Variants in COL14A1 observed in about 807,000 individuals in gnomAD.
COL14A1 encodes collagen type XIV alpha 1 chain.
A neutral mutation model predicts 230.3 loss-of-function variants in COL14A1; 136 were observed. That is an observed-to-expected ratio of 0.59 (90% confidence interval 0.51 to 0.68). COL14A1 has a LOEUF of 0.68. Among genes scored for constraint, COL14A1 ranks in the 30% least tolerant of loss-of-function variants. The pLI is 0.00. For missense variants in COL14A1, 1,976 were observed against 2,215.8 expected (o/e 0.89, Z 2.17); for synonymous variants, 792 against 784.1 (o/e 1.01, Z -0.17).
chr8:120,147,134 C>CCTT (rs1382785770), intron 1 of COL14A1, among the ~76,000 whole-genome samples: 3 of 151,224 alleles, frequency 2.0e-5, no homozygotes, highest in African/African-American at 7.3e-5. Flanking sequence ...TATACCCTTT[C>CCTT]TTTTTTCTTC....
chr8:120,207,189 TCCG>T (rs1817463777), intron 10 of COL14A1, 95 bp downstream of exon 10: 1 of 1,083,682 alleles, frequency 9.2e-7, no homozygotes, highest in African/African-American at 1.6e-5. Flanking sequence ...ATAAGATTAT[TCCG>T]TCACAGACAT....
chr8:120,130,182 AT>A (rs1814481555), intron 1 of COL14A1, among the ~76,000 whole-genome samples: 1 of 152,184 alleles, frequency 6.6e-6, no homozygotes, highest in South Asian at 2.1e-4. Flanking sequence ...TTCAACGGAG[AT>A]TATCATTATT....
intron 7 of COL14A1, 107 bp downstream of exon 7, chr8:120,198,037 AG>A: frequency 9.0e-7 from 1 of 1,116,622 alleles, no homozygotes; most frequent in East Asian, 2.6e-5. Flanking sequence ...TAATTAAACT[AG>A]CACTTAGGAT....
intron 42 of COL14A1, among the ~76,000 whole-genome samples, chr8:120,339,497 G>C (rs762798785): frequency 2.6e-5 from 4 of 152,102 alleles, no homozygotes; most frequent in Non-Finnish European, 5.9e-5. Flanking sequence ...CCCTGCTTCT[G>C]AATAACGACC....
intron 37 of COL14A1, among the ~76,000 whole-genome samples, chr8:120,310,941 A>G (rs1821014430): frequency 6.6e-6 from 1 of 152,086 alleles, no homozygotes; most frequent in Non-Finnish European, 1.5e-5. Flanking sequence ...CTCTCCATCC[A>G]TCTTGCTTGA....
At chr8:120,264,772 T>C (rs1819454806) in intron 24 of COL14A1, among the ~76,000 whole-genome samples, 1 of 152,184 alleles carries the variant, frequency 6.6e-6, no homozygotes, top group Non-Finnish European at 1.5e-5. Context: ...GCTGTCTGTT[T>C]AGACAGTGCA....
intron 5 of COL14A1, among the ~76,000 whole-genome samples, chr8:120,185,435 G>A (rs1230355223): frequency 2.0e-5 from 3 of 152,050 alleles, no homozygotes; most frequent in Admixed American, 6.6e-5. Flanking sequence ...TTGCAGGATC[G>A]CTTGAGCCCA....
At chr8:120,270,211 T>C (rs1349501444) in intron 26 of COL14A1, 37 bp downstream of exon 26, 1 of 1,576,606 alleles carries the variant, frequency 6.3e-7, no homozygotes, top group Admixed American at 1.7e-5. Flanking sequence ...TCTATGTATT[T>C]AGAAATTATT....
At chr8:120,140,035 A>C (rs185697419) in intron 1 of COL14A1, among the ~76,000 whole-genome samples, 1 of 152,168 alleles carries the variant, frequency 6.6e-6, no homozygotes, top group African/African-American at 2.4e-5. Flanking sequence ...AAAAAACCCA[A>C]ATCAAAATAA....
chr8:120,285,921 C>A lies in COL14A1; in HGVS notation c.4028C>A (p.Thr1343Asn). 1.2e-6 allele frequency: 2 copies of A among 1,611,758 alleles called. No homozygotes were observed. Among genetic ancestry groups the A allele is most frequent in the Non-Finnish European group, 1.7e-6 (2 of 1,178,116 alleles). The change falls in exon 33 of 48, where the codon ACT becomes AAT. Residue 1343 changes from threonine (T) to asparagine (N), a missense_variant. Thr to Asn is a moderately conservative substitution (Grantham distance 65). Transcript: ENST00000297848. ...CAGAGTGGGGATTTTCAAACTGTTA[C>A]TTTCGAAGGACCTGAAATTAGGAAA... Reference protein sequence around the residue: ...YDQSGDFQTVTFEGPEIRKIF... With the variant: ...YDQSGDFQTVNFEGPEIRKIF...
intron 19 of COL14A1, among the ~76,000 whole-genome samples, chr8:120,240,248 C>A (rs780248734): frequency 1.3e-5 from 2 of 151,688 alleles, no homozygotes; most frequent in Non-Finnish European, 2.9e-5. Flanking sequence ...CTTTAAGTAT[C>A]AAGCTCCTTT....
At chr8:120,156,112 T>A (rs1815469077) in intron 2 of COL14A1, among the ~76,000 whole-genome samples, 1 of 152,096 alleles carries the variant, frequency 6.6e-6, no homozygotes, top group Non-Finnish European at 1.5e-5. Flanking sequence ...TCTGATTTCA[T>A]ACTGATTTCA....
chr8:120,261,768 A>G (rs1182215809), intron 23 of COL14A1, among the ~76,000 whole-genome samples: 3 of 152,216 alleles, frequency 2.0e-5, no homozygotes, highest in African/African-American at 7.2e-5. Context: ...ATATGGCCCT[A>G]TGCTATGTAA....
intron 3 of COL14A1, among the ~76,000 whole-genome samples, chr8:120,160,567 G>A (rs1174554030): frequency 6.6e-6 from 1 of 151,982 alleles, no homozygotes; most frequent in African/African-American, 2.4e-5. Flanking sequence ...ATAAAAATTG[G>A]GAATGAAAGC....
chr8:120,145,227 G>A (rs1346010863), intron 1 of COL14A1, among the ~76,000 whole-genome samples: 1 of 152,168 alleles, frequency 6.6e-6, no homozygotes, highest in East Asian at 1.9e-4. Context: ...GATGGTGGAA[G>A]TGTTGTGACC....
At chr8:120,258,399 C>T (rs926141854) in intron 23 of COL14A1, among the ~76,000 whole-genome samples, 1 of 152,110 alleles carries the variant, frequency 6.6e-6, no homozygotes, top group African/African-American at 2.4e-5. Context: ...GGTCACATGC[C>T]TCTAAATCTG....
chr8:120,371,229 T>C lies in COL14A1; in HGVS notation c.5389T>C (p.Ter1797ArgextTer1). ...EAMELWGPGV[*>R] ...CATGGAACTGTGGGGCCCTGGAGTC[T>C]GATAGCCTCAGGAGAAATTTGAAGA... Residue 1797 changes from the stop codon to arginine (R), a stop_lost, in exon 48 of 48, where the codon TGA becomes CGA. Transcript: ENST00000297848. 4.4e-6 allele frequency: 7 copies of C among 1,608,904 alleles called. No homozygotes were observed. The highest frequency in any genetic ancestry group is 5.9e-6 in the Non-Finnish European group (7 of 1,177,520).
At chr8:120,308,378 G>T (rs928966364) in intron 36 of COL14A1, among the ~76,000 whole-genome samples, 1 of 152,304 alleles carries the variant, frequency 6.6e-6, no homozygotes, top group Middle Eastern at 3.4e-3. Flanking sequence ...CATATCCAAG[G>T]TTCAGACAAC....
chr8:120,355,649 C>T (rs1019921483), intron 45 of COL14A1, among the ~76,000 whole-genome samples: 1 of 152,004 alleles, frequency 6.6e-6, no homozygotes, highest in Admixed American at 6.6e-5. Context: ...CTAACCTCAA[C>T]TGACAACCCC....
Sources: gnomAD v4.1 joint callset for allele counts (sites outside exome capture counted in the v4.1 genomes callset) on GRCh38, gnomAD v4.1.1 for gene constraint, MANE v1.5 for transcripts, NCBI Gene and HGNC (gene_info 2026-07-23, HGNC 2026-07-21) for gene names.